The following ZBTB40 variants were observed in gnomAD, a reference collection of about 807,000 sequenced individuals.
ZBTB40 encodes the protein zinc finger and BTB domain-containing protein 40.
Under a neutral mutation model 117.5 loss-of-function variants are expected in ZBTB40, and 60 were observed. The ratio of observed to expected loss-of-function variants is 0.51; its 90% CI spans 0.41 to 0.63. The LOEUF (loss-of-function observed/expected upper bound fraction) is 0.63, where lower values mean the gene tolerates loss of function less well. ZBTB40 is among the 30% of genes least tolerant of loss of function. The pLI is 0.00. For missense variants in ZBTB40, 1,287 were observed against 1,498.5 expected (o/e 0.86, Z 2.33); for synonymous variants, 525 against 577.1 (o/e 0.91, Z 1.29).
In ZBTB40 at chr1:22,492,524, C is replaced by T. The variant is rs1054850090; in HGVS notation, c.831+991C>T. Among the ~76,000 whole-genome samples the T allele has an allele frequency of 4.6e-5, 7 of 152,218 alleles. No individual in the cohort carries two copies. In the East Asian group the frequency reaches 5.8e-4, roughly 13 times the overall value. ...CTGGCAGAGTGAGAGGGCGCTGCCC[C>T]GGCAGGCTTGCTCCTCTGATTGGTA... On this transcript the variant is annotated intron_variant, in intron 3 of 17. Transcript: ENST00000375647.
chr1:22,435,226 C>T (rs947558596), intron 1 of ZBTB40, among the ~76,000 whole-genome samples: 1 of 152,058 alleles, frequency 6.6e-6, no homozygotes. Flanking sequence ...GTTTTGAACT[C>T]CTGAGCTCAA....
At chr1:22,515,471 T>A (rs1324441893) in intron 12 of ZBTB40, among the ~76,000 whole-genome samples, 2 of 152,248 alleles carry the variant, frequency 1.3e-5, no homozygotes, top group East Asian at 3.8e-4. Context: ...CTTGTGAGGC[T>A]AAATTCAAGC....
intron 1 of ZBTB40, among the ~76,000 whole-genome samples, chr1:22,431,359 A>ATT (rs1308928380): frequency 5.3e-5 from 5 of 93,648 alleles, no homozygotes; most frequent in Admixed American, 4.2e-4. Flanking sequence ...ATACATATAT[A>ATT]TTTTGTGTGT....
chr1:22,489,301 G>A (rs545111645), intron 1 of ZBTB40, among the ~76,000 whole-genome samples: 1 of 152,176 alleles, frequency 6.6e-6, no homozygotes, highest in East Asian at 1.9e-4. Flanking sequence ...TAAAGGCTGC[G>A]CTGATGCAGA....
intron 16 of ZBTB40, among the ~76,000 whole-genome samples, chr1:22,522,965 T>TTTTTTTTTG: frequency 6.8e-6 from 1 of 146,440 alleles, no homozygotes; most frequent in Non-Finnish European, 1.5e-5. Flanking sequence ...TTTTTTTTTT[T>TTTTTTTTTG]GAGATGGAGT....
intron 5 of ZBTB40, among the ~76,000 whole-genome samples, chr1:22,503,567 C>T (rs898393517): frequency 6.6e-6 from 1 of 151,988 alleles, no homozygotes; most frequent in South Asian, 2.1e-4. Flanking sequence ...ACTAGATCCT[C>T]GATTTTATTT....
At chr1:22,497,406 G>T (rs1172940000) in intron 3 of ZBTB40, among the ~76,000 whole-genome samples, 1 of 152,164 alleles carries the variant, frequency 6.6e-6, no homozygotes, top group Non-Finnish European at 1.5e-5. Context: ...TCACTGACAG[G>T]GTTGGGTAGC....
At chr1:22,461,691 G>A (rs1641137759) in intron 1 of ZBTB40, among the ~76,000 whole-genome samples, 1 of 152,164 alleles carries the variant, frequency 6.6e-6, no homozygotes, top group Admixed American at 6.5e-5. Context: ...CTGGAAGTTG[G>A]GGGTCTGTAG....
At chr1:22,460,332 C>T (rs1641102554) in intron 1 of ZBTB40, among the ~76,000 whole-genome samples, 1 of 152,160 alleles carries the variant, frequency 6.6e-6, no homozygotes, top group Non-Finnish European at 1.5e-5. Context: ...ACTTGGTTCT[C>T]CTCTTTCCTC....
chr1:22,470,060 C>T (rs1355714965), intron 1 of ZBTB40, among the ~76,000 whole-genome samples: 2 of 152,088 alleles, frequency 1.3e-5, no homozygotes, highest in African/African-American at 4.8e-5. Flanking sequence ...CCACTGAAGC[C>T]CTGTTGTGTG....
chr1:22,514,420 C>T (rs1036061293), intron 12 of ZBTB40, among the ~76,000 whole-genome samples: 16 of 152,180 alleles, frequency 1.1e-4, no homozygotes, highest in African/African-American at 3.9e-4. Context: ...CTCCTCAGCC[C>T]TCTGTGATTA....
chr1:22,432,855 A>G (rs1361879786), intron 1 of ZBTB40, among the ~76,000 whole-genome samples: 3 of 152,242 alleles, frequency 2.0e-5, no homozygotes, highest in Admixed American at 2.0e-4. Context: ...TCCAGAGCCA[A>G]TTCTGGTCAC....
rs185459186 is a variant in ZBTB40 at position 22,455,448 on chromosome 1, C to G, written c.-70+3444C>G. Among the ~76,000 whole-genome samples, 26 of 152,304 alleles carry G rather than the reference C, an allele frequency of 1.7e-4. No homozygotes were observed. The East Asian group carries it at 5.0e-3, about 29-fold the overall frequency. On this transcript the variant is annotated intron_variant, in intron 1 of 17. Coordinates refer to ENST00000375647, the MANE Select transcript of ZBTB40 (RefSeq NM_014870.4). ...TGGCAGGTTTCGCTTTAAACTCTCC[C>G]TAGTAACCATATTGCACATGTCATC...
At chr1:22,449,481 C>G (rs961080697), upstream of ZBTB40, among the ~76,000 whole-genome samples, 7 of 152,160 alleles carry the variant, frequency 4.6e-5, no homozygotes, top group Non-Finnish European at 4.4e-5. Flanking sequence ...GACAGTATGT[C>G]GTTGTTCATG....
At chr1:22,455,982 C>T (rs780206336) in intron 1 of ZBTB40, among the ~76,000 whole-genome samples, 1 of 152,136 alleles carries the variant, frequency 6.6e-6, no homozygotes, top group Non-Finnish European at 1.5e-5. Flanking sequence ...AACCAGCACC[C>T]TGAGGGAAGG....
chr1:22,487,364 C>T (rs896294119), intron 1 of ZBTB40, among the ~76,000 whole-genome samples: 4 of 152,100 alleles, frequency 2.6e-5, no homozygotes, highest in South Asian at 2.1e-4. Context: ...TATGTCTTTC[C>T]GCCCTTTTCT....
intron 1 of ZBTB40, among the ~76,000 whole-genome samples, chr1:22,471,937 G>A (rs139174498): frequency 8.5e-5 from 13 of 152,338 alleles, no homozygotes; most frequent in East Asian, 5.8e-4. Context: ...TGTCAAGAGC[G>A]GATGGTGCCC....
intron 1 of ZBTB40, among the ~76,000 whole-genome samples, chr1:22,468,460 G>A (rs1345609310): frequency 1.1e-5 from 1 of 88,776 alleles, no homozygotes; most frequent in Non-Finnish European, 2.4e-5. Flanking sequence ...AAATGTTAAT[G>A]TTTCCTTTTT....
intron 1 of ZBTB40, among the ~76,000 whole-genome samples, chr1:22,479,149 A>G (rs895124295): frequency 6.6e-6 from 1 of 152,198 alleles, no homozygotes; most frequent in South Asian, 2.1e-4. Flanking sequence ...GAAATTGCCA[A>G]TCTGTTCTTC....
Sources: allele counts gnomAD v4.1 joint callset (sites outside exome capture counted in the v4.1 genomes callset), GRCh38; gene constraint gnomAD v4.1.1; transcripts MANE v1.5; gene names NCBI Gene and HGNC (gene_info 2026-07-23, HGNC 2026-07-21).